PEAK1: variants seen among roughly 807,000 people sequenced by gnomAD.
PEAK1 encodes pseudopodium enriched atypical kinase 1.
In PEAK1, 54 loss-of-function variants were observed where a neutral mutation model predicts 124.7. That is an observed-to-expected ratio of 0.43 (90% confidence interval 0.35 to 0.54). PEAK1 has a LOEUF of 0.54. Ranked by LOEUF, PEAK1 falls within the 20% of genes least tolerant of loss-of-function variation. The probability of loss-of-function intolerance (pLI) is 0.01; values close to 1 mark genes in which losing one functional copy is unlikely to be tolerated. For missense variants in PEAK1, 2,046 were observed against 2,134.5 expected (o/e 0.96, Z 0.82); for synonymous variants, 719 against 760.0 (o/e 0.95, Z 0.89).
chr15:77,315,419 CAG>C (rs1469846202), intron 2 of PEAK1, among the ~76,000 whole-genome samples: 3 of 152,112 alleles, frequency 2.0e-5, no homozygotes, highest in African/African-American at 4.8e-5. Context: ...TTCAGACTAA[CAG>C]AGTTACTTAG....
chr15:77,114,108 T>A lies in PEAK1; in HGVS notation c.*48A>T. On this transcript the variant is annotated 3_prime_UTR_variant, in exon 10 of 10. Transcript: ENST00000682557. Reference sequence around the variant, plus strand: ...GCACTAGGGAGGGGAAGTGCATGGGTGACATGAAGAAGGTGAAGATGTAGT... The same window carrying A: ...GCACTAGGGAGGGGAAGTGCATGGGAGACATGAAGAAGGTGAAGATGTAGT... 6.4e-7 allele frequency: 1 copy of A among 1,573,798 alleles called. No homozygotes were observed. The highest frequency in any genetic ancestry group is 8.7e-7 in the Non-Finnish European group (1 of 1,151,138).
rs1195580310 is a variant in PEAK1, at chr15:77,180,675, C to G, written c.1252G>C (p.Ala418Pro). 3 of 1,614,008 alleles carry G rather than the reference C, an allele frequency of 1.9e-6. No individual in the cohort carries two copies. The Admixed American group carries it at 5.0e-5, about 27-fold the overall frequency. Residue 418 changes from alanine (A) to proline (P), a missense_variant, in exon 7 of 10, where the codon GCT (alanine) becomes CCT (proline). By Grantham distance (27) the Ala-to-Pro change is conservative (BLOSUM62 -1). Coordinates refer to ENST00000682557, the MANE Select transcript of PEAK1 (RefSeq NM_001385026.1). ...KVPETHKAVL[A>P]LRLEEKDGKI... ...CCATCTTTCTCTTCTAATCGGAGAG[C>G]AAGGACTGCTTTGTGGGTCTCTGGA...
chr15:77,262,224 A>T (rs1308344259), intron 5 of PEAK1, among the ~76,000 whole-genome samples: 6 of 152,186 alleles, frequency 3.9e-5, no homozygotes, highest in African/African-American at 1.4e-4. Context: ...TAACCAGCTA[A>T]CATCATAATG....
chr15:77,271,664 A>C (rs939922461), intron 5 of PEAK1, among the ~76,000 whole-genome samples: 1 of 152,204 alleles, frequency 6.6e-6, no homozygotes, highest in Non-Finnish European at 1.5e-5. Context: ...CATCATTCTC[A>C]GCAAACTATC....
chr15:77,178,003 C>A (rs1315625067), intron 7 of PEAK1: 1 of 152,054 alleles, frequency 6.6e-6, no homozygotes, highest in Non-Finnish European at 1.5e-5. Flanking sequence ...TCTTAACTTC[C>A]CGGGTTTTCA....
chr15:77,372,865 C>T (rs2068741793), intron 1 of PEAK1, among the ~76,000 whole-genome samples: 1 of 150,152 alleles, frequency 6.7e-6, no homozygotes, highest in African/African-American at 2.4e-5. Flanking sequence ...GCACCTTCCT[C>T]CTCTCTCTCT....
intron 1 of PEAK1, among the ~76,000 whole-genome samples, chr15:77,410,200 GCCTCAGCCTCCTGAGTAGCT>G (rs1353032133): frequency 1.3e-5 from 2 of 151,774 alleles, no homozygotes; most frequent in African/African-American, 4.8e-5. Flanking sequence ...TTATTCTCCT[GCCTCAGCCTCCTGAGTAGCT>G]CCTCAGCCTC....
At chr15:77,302,877 T>C (rs2063863971) in intron 2 of PEAK1, among the ~76,000 whole-genome samples, 1 of 152,188 alleles carries the variant, frequency 6.6e-6, no homozygotes, top group Non-Finnish European at 1.5e-5. Flanking sequence ...CACAGTATCA[T>C]ACTTATCACC....
chr15:77,414,369 C>T lies in PEAK1; in HGVS notation c.-666+5637G>A, dbSNP rs193120505. ...GGACTACAGGTGTGCACCACCATGCCTAGCTAATTTTTTGTATTTTTTTTT... is the reference window on the plus strand; with the variant it reads ...GGACTACAGGTGTGCACCACCATGCTTAGCTAATTTTTTGTATTTTTTTTT... On this transcript the variant is annotated intron_variant, in intron 1 of 9. Transcript: ENST00000682557. Among the ~76,000 whole-genome samples, 6 of 151,502 alleles carry T rather than the reference C, an allele frequency of 4.0e-5. No homozygotes were observed. In the East Asian group the frequency reaches 1.2e-3, roughly 29 times the overall value.
intron 5 of PEAK1, among the ~76,000 whole-genome samples, chr15:77,261,712 CA>C (rs750785593): frequency 6.6e-6 from 1 of 152,102 alleles, no homozygotes; most frequent in Non-Finnish European, 1.5e-5. Flanking sequence ...AGAACTTCCC[CA>C]ATCTAGCAAG....
chr15:77,150,401 T>A (rs2054506334), intron 8 of PEAK1, among the ~76,000 whole-genome samples: 1 of 152,176 alleles, frequency 6.6e-6, no homozygotes, highest in East Asian at 1.9e-4. Flanking sequence ...TTGTGAGGAT[T>A]AAATGAGCTA....
chr15:77,358,716 T>G (rs539595058), intron 2 of PEAK1, among the ~76,000 whole-genome samples: 79 of 152,330 alleles, frequency 5.2e-4, no homozygotes, highest in Non-Finnish European at 8.8e-4. Flanking sequence ...AGTGCAGTGA[T>G]AGCTTAGCAA....
rs1233837167 is a variant in PEAK1, at chr15:77,109,910, C to T, written c.*4246G>A. 1.3e-5 allele frequency: 2 copies of T among 152,136 alleles called. No homozygotes were observed. The highest frequency in any genetic ancestry group is 4.8e-5 in the African/African-American group (2 of 41,422). 9.4% of individuals were successfully genotyped at this position (152,136 alleles called of 1,614,324 possible). On this transcript the variant is annotated 3_prime_UTR_variant, in exon 10 of 10. Transcript: ENST00000682557. Reference sequence around the variant, plus strand: ...GAAATATAGTGTAGTATCCTAAATCCATCTCTATTTCTGTGACTAGCCTGT... The same window carrying T: ...GAAATATAGTGTAGTATCCTAAATCTATCTCTATTTCTGTGACTAGCCTGT...
downstream of PEAK1, chr15:77,105,351 T>TGCGCGC (rs1425117648): frequency 4.3e-5 from 5 of 115,742 alleles, no homozygotes; most frequent in African/African-American, 1.7e-4. Flanking sequence ...TGTGTGTGTG[T>TGCGCGC]GTGTGTGCGC....
intron 7 of PEAK1, among the ~76,000 whole-genome samples, chr15:77,164,414 T>G (rs1459967243): frequency 6.6e-6 from 1 of 152,206 alleles, no homozygotes; most frequent in Non-Finnish European, 1.5e-5. Flanking sequence ...GGTCTCGAGA[T>G]GGGGAAGACT....
At chr15:77,359,855 T>G (rs1316169196) in intron 2 of PEAK1, among the ~76,000 whole-genome samples, 2 of 152,218 alleles carry the variant, frequency 1.3e-5, no homozygotes, top group Non-Finnish European at 2.9e-5. Flanking sequence ...CCAAACTGAT[T>G]TAAAGATTCC....
intron 8 of PEAK1, among the ~76,000 whole-genome samples, chr15:77,149,043 A>C (rs1047299817): frequency 3.3e-5 from 5 of 152,240 alleles, no homozygotes; most frequent in African/African-American, 4.8e-5. Context: ...CTCTGCCACT[A>C]GCTCTATAAA....
intron 1 of PEAK1, chr15:77,381,299 A>C: frequency 1.1e-6 from 1 of 901,692 alleles, no homozygotes; most frequent in Non-Finnish European, 1.3e-6. Context: ...CTTGTAGTTC[A>C]AGTTACGTGG....
chr15:77,104,171 C>T (rs944952364), downstream of PEAK1: 3 of 152,320 alleles, frequency 2.0e-5, no homozygotes, highest in Non-Finnish European at 4.4e-5. Context: ...AAGTTTCTTA[C>T]CCACTCTGAG....
Sources: allele counts gnomAD v4.1 joint callset (sites outside exome capture counted in the v4.1 genomes callset), GRCh38; gene constraint gnomAD v4.1.1; transcripts MANE v1.5; gene names NCBI Gene and HGNC (gene_info 2026-07-23, HGNC 2026-07-21).